ACVR2A: variants seen among roughly 807,000 people sequenced by gnomAD.
The protein encoded by ACVR2A is activin A receptor type 2A.
In ACVR2A, 7 loss-of-function variants were observed where a neutral mutation model predicts 61.4. The observed-to-expected ratio is 0.11, with a 90% CI of 0.06 to 0.21. The LOEUF is 0.21. ACVR2A is among the 10% of genes least tolerant of loss of function. The probability of loss-of-function intolerance (pLI) is 1.00; values close to 1 mark genes in which losing one functional copy is unlikely to be tolerated. For missense variants in ACVR2A, 322 were observed against 621.7 expected (o/e 0.52, Z 5.13); for synonymous variants, 193 against 208.3 (o/e 0.93, Z 0.63).
intron 6 of ACVR2A, 25 bp downstream of exon 6, chr2:147,917,451 T>G (rs184364078): frequency 8.1e-6 from 13 of 1,608,430 alleles, no homozygotes; most frequent in South Asian, 1.1e-5. Context: ...CGTTTTACTT[T>G]AGTAAAGTCT....
rs181192007 is a variant in ACVR2A, at chr2:147,876,019, A to G, written c.56-20282A>G. ...ATAAACAGGGAAGCAGAAATAGAAT[A>G]GACAGTGTACTTCTGTTAAGAAAAA... On this transcript the variant is annotated intron_variant, in intron 1 of 10. Coordinates refer to ENST00000241416, the MANE Select transcript of ACVR2A (RefSeq NM_001616.5). Among the ~76,000 whole-genome samples, 105 of 152,286 alleles carry G rather than the reference A, an allele frequency of 6.9e-4. 1 individual carries two copies. Among genetic ancestry groups the G allele is most frequent in the African/African-American group, 2.4e-3 (99 of 41,586 alleles).
chr2:147,886,365 A>G (rs1686431687), intron 1 of ACVR2A, among the ~76,000 whole-genome samples: 1 of 152,200 alleles, frequency 6.6e-6, no homozygotes, highest in Non-Finnish European at 1.5e-5. Context: ...GGTAGGCACA[A>G]GTTTAGGAAA....
intron 1 of ACVR2A, among the ~76,000 whole-genome samples, chr2:147,893,016 G>A (rs891319642): frequency 5.3e-5 from 8 of 152,054 alleles, no homozygotes; most frequent in Non-Finnish European, 1.0e-4. Context: ...TAGTCAAGGC[G>A]TGGTGTTCCT....
intron 1 of ACVR2A, among the ~76,000 whole-genome samples, chr2:147,859,303 A>G (rs1340510710): frequency 1.3e-5 from 2 of 152,064 alleles, no homozygotes; most frequent in African/African-American, 4.8e-5. Context: ...CATCCTAGGA[A>G]ATACTCTTCT....
intron 1 of ACVR2A, among the ~76,000 whole-genome samples, chr2:147,891,483 G>A (rs1686580819): frequency 6.6e-6 from 1 of 150,906 alleles, no homozygotes; most frequent in Non-Finnish European, 1.5e-5. Flanking sequence ...CCATCTTGGA[G>A]CTAAGAATGA....
chr2:147,916,281 A>G (rs1489245929), intron 5 of ACVR2A, among the ~76,000 whole-genome samples: 2 of 151,726 alleles, frequency 1.3e-5, no homozygotes, highest in South Asian at 2.1e-4. Context: ...ATTCATAAAT[A>G]AGATAAGGGA....
At chr2:147,902,221 G>A (rs1385892133) in intron 4 of ACVR2A, among the ~76,000 whole-genome samples, 1 of 151,860 alleles carries the variant, frequency 6.6e-6, no homozygotes, top group Non-Finnish European at 1.5e-5. Context: ...CTTCCCAGGC[G>A]ATTCTGGTGA....
At chr2:147,873,010 A>C (rs1686061228) in intron 1 of ACVR2A, among the ~76,000 whole-genome samples, 1 of 151,934 alleles carries the variant, frequency 6.6e-6, no homozygotes, top group South Asian at 2.1e-4. Context: ...CATTCATGTT[A>C]GCTTATTGTT....
intron 1 of ACVR2A, among the ~76,000 whole-genome samples, chr2:147,860,726 A>G (rs546519873): frequency 6.6e-6 from 1 of 152,310 alleles, no homozygotes; most frequent in South Asian, 2.1e-4. Flanking sequence ...GAACAGAAAG[A>G]TGAGAGATCC....
chr2:147,882,647 A>C (rs916194353), intron 1 of ACVR2A, among the ~76,000 whole-genome samples: 2 of 152,202 alleles, frequency 1.3e-5, no homozygotes, highest in African/African-American at 4.8e-5. Flanking sequence ...TGCCACATGC[A>C]CATTGTCTAG....
intron 4 of ACVR2A, among the ~76,000 whole-genome samples, chr2:147,910,415 G>A (rs1687086011): frequency 6.6e-6 from 1 of 152,050 alleles, no homozygotes; most frequent in African/African-American, 2.4e-5. Flanking sequence ...TCTTTCAAGG[G>A]ATTAATTTTA....
chr2:147,876,918 T>A (rs1415706820), intron 1 of ACVR2A, among the ~76,000 whole-genome samples: 1 of 152,166 alleles, frequency 6.6e-6, no homozygotes, highest in African/African-American at 2.4e-5. Flanking sequence ...CTTCTATATG[T>A]TGCTCCTGTC....
intron 1 of ACVR2A, among the ~76,000 whole-genome samples, chr2:147,890,612 A>G (rs1251034225): frequency 6.6e-6 from 1 of 152,120 alleles, no homozygotes; most frequent in Non-Finnish European, 1.5e-5. Context: ...TCTTTTGAAA[A>G]TGTCAGTAGT....
At chr2:147,883,283 C>G (rs988758289) in intron 1 of ACVR2A, among the ~76,000 whole-genome samples, 36 of 152,200 alleles carry the variant, frequency 2.4e-4, no homozygotes, top group African/African-American at 8.0e-4. Context: ...CTCCATCTCT[C>G]AGGTTCAAGC....
intron 1 of ACVR2A, among the ~76,000 whole-genome samples, chr2:147,856,686 T>G (rs1685580761): frequency 6.6e-6 from 1 of 152,096 alleles, no homozygotes; most frequent in African/African-American, 2.4e-5. Context: ...AATGAATAAT[T>G]GCAAGATAAC....
intron 1 of ACVR2A, among the ~76,000 whole-genome samples, chr2:147,862,527 T>C (rs1685751771): frequency 6.6e-6 from 1 of 152,110 alleles, no homozygotes; most frequent in Non-Finnish European, 1.5e-5. Flanking sequence ...GCAGATCACC[T>C]GAAGTCAGGA....
chr2:147,899,393 AAC>A, intron 2 of ACVR2A, 63 bp from the exon 3 acceptor site: 1 of 1,023,574 alleles, frequency 9.8e-7, no homozygotes, highest in Non-Finnish European at 1.4e-6. Context: ...GCAGAATAAA[AAC>A]ACTTGTTGTA....
intron 1 of ACVR2A, among the ~76,000 whole-genome samples, chr2:147,866,669 C>T (rs1050202821): frequency 2.0e-5 from 3 of 152,034 alleles, no homozygotes; most frequent in South Asian, 2.1e-4. Flanking sequence ...GATTTGCTAG[C>T]GAGTGTTAAC....
intron 9 of ACVR2A, among the ~76,000 whole-genome samples, chr2:147,925,393 G>T (rs924262615): frequency 1.3e-5 from 2 of 151,870 alleles, no homozygotes; most frequent in African/African-American, 4.8e-5. Flanking sequence ...GTAGGCCTAA[G>T]AAAAAAGGAA....
Sources: allele counts gnomAD v4.1 joint callset (sites outside exome capture counted in the v4.1 genomes callset), GRCh38; gene constraint gnomAD v4.1.1; transcripts MANE v1.5; gene names NCBI Gene and HGNC (gene_info 2026-07-23, HGNC 2026-07-21).